Variants in PDP1 observed in about 807,000 individuals in gnomAD.
PDP1 encodes pyruvate dehydrogenase phosphatase catalytic subunit 1.
PDP1 carries 14 observed loss-of-function variants against 37.1 expected under a neutral mutation model. The observed-to-expected ratio is 0.38, with a 90% confidence interval of 0.25 to 0.59. PDP1 has a LOEUF of 0.59. Among genes scored for constraint, PDP1 ranks in the 20% least tolerant of loss-of-function variants. The probability of loss-of-function intolerance (pLI) is 0.67; values close to 1 mark genes in which losing one functional copy is unlikely to be tolerated. For missense variants in PDP1, 544 were observed against 655.3 expected (o/e 0.83, Z 1.85); for synonymous variants, 251 against 243.3 (o/e 1.03, Z -0.29).
At chr8:93,921,393 TTTTA>T (rs1478441251) in intron 1 of PDP1, 1 of 918,470 alleles carries the variant, frequency 1.1e-6, no homozygotes, top group Non-Finnish European at 1.3e-6. Context: ...GAATTTCTTT[TTTTA>T]TTTAATTATG....
chr8:93,922,656 C>T lies in PDP1; in HGVS notation c.597C>T (p.Tyr199=), dbSNP rs1810316964. 1.9e-6 allele frequency: 3 copies of T among 1,614,056 alleles called. No individual in the cohort carries two copies. Among genetic ancestry groups the T allele is most frequent in the African/African-American group, 1.3e-5 (1 of 74,924 alleles). The change falls in exon 2 of 2, where the codon TAC becomes TAT. Residue 199 remains tyrosine, a synonymous_variant. Coordinates refer to ENST00000297598, the MANE Select transcript of PDP1 (RefSeq NM_018444.4). The surrounding 1 kb of genome is among the most constrained non-coding windows in gnomAD (Gnocchi z 4.0). ...ILQWHKHPND[Y]FSKEASKLYF... ...AGTGGCACAAGCACCCCAATGATTA[C>T]TTTAGTAAGGAGGCATCCAAATTGT...
intron 1 of PDP1, chr8:93,917,671 GTTGGT>G: frequency 1.3e-6 from 1 of 779,444 alleles, no homozygotes; most frequent in Non-Finnish European, 2.0e-6. Flanking sequence ...GGCGGGGTGG[GTTGGT>G]TTGGTTGGCT....
chr8:93,923,710 A>T lies in PDP1; in HGVS notation c.*37A>T, dbSNP rs752331175. ...TTCACTGGCAATTCTCAAATGATAT[A>T]CATTTAAAGGGCAGATTTTTTAAAA... On this transcript the variant is annotated 3_prime_UTR_variant, in exon 2 of 2. Transcript: ENST00000297598. This position sits in a 1 kb window ranked among gnomAD's most constrained non-coding sequence, Gnocchi z 4.3. The T allele has an allele frequency of 1.3e-6, 2 of 1,490,352 alleles. No individual in the cohort carries two copies. Among genetic ancestry groups the T allele is most frequent in the Non-Finnish European group, 1.9e-6 (2 of 1,068,190 alleles). The allele number at this position is 1,490,352 out of a possible 1,614,324, so 92.3% of individuals were successfully genotyped here.
Position 93,917,901 on chromosome 8 carries a change from G to A in PDP1, c.-45+822G>A, listed in dbSNP as rs549603937. On this transcript the variant is annotated intron_variant, in intron 1 of 1. Transcript: ENST00000297598. ...TTGTGGATGTTGTCGGCTCCGTGTTGTGATGACAGGAGAATGTGTGTGTGT... is the reference window on the plus strand; with the variant it reads ...TTGTGGATGTTGTCGGCTCCGTGTTATGATGACAGGAGAATGTGTGTGTGT... 9.2e-5 allele frequency: 148 copies of A among 1,614,016 alleles called. 2 individuals carry two copies. In the South Asian group the frequency reaches 1.5e-3, roughly 17 times the overall value.
chr8:93,925,954 T>A lies in PDP1; in HGVS notation c.*2281T>A, dbSNP rs1370759886. On this transcript the variant is annotated 3_prime_UTR_variant, in exon 2 of 2. Coordinates refer to ENST00000297598, the MANE Select transcript of PDP1 (RefSeq NM_018444.4). ...GTTGGTATGGTACAGAGTACCATAT[T>A]GCTAAGAAAACTGTCTTATAAAAGA... The A allele has an allele frequency of 6.0e-6, 1 of 166,948 alleles. No homozygotes were observed. The allele number at this position is 166,948 out of a possible 1,614,324, so 10.3% of individuals were successfully genotyped here. A position where few individuals can be genotyped will look rare whatever the true frequency, so the allele number is the denominator to read the frequency against.
chr8:93,925,643 A>G lies in PDP1; in HGVS notation c.*1970A>G, dbSNP rs1019275552. ...TGCAGTCTGGAAGCTTGTCTGCTCT[A>G]TAGAAATGAAAATGCAGCATGAAGT... On this transcript the variant is annotated 3_prime_UTR_variant, in exon 2 of 2. Transcript: ENST00000297598. The G allele has an allele frequency of 4.8e-5, 8 of 167,172 alleles. No homozygotes were observed. The highest frequency in any genetic ancestry group is 1.2e-4 in the African/African-American group (5 of 41,582). 10.4% of individuals were successfully genotyped at this position (167,172 alleles called of 1,614,324 possible). A position where few individuals can be genotyped will look rare whatever the true frequency, so the allele number is the denominator to read the frequency against.
intron 1 of PDP1, chr8:93,919,133 G>A (rs1810178951): frequency 1.0e-6 from 1 of 982,110 alleles, no homozygotes; most frequent in Admixed American, 6.1e-5. Flanking sequence ...TGGAGAATTT[G>A]ATGTTTGAAC....
In PDP1 at chr8:93,924,717, G is replaced by C. The variant is rs1206702880; in HGVS notation, c.*1044G>C. 6.0e-6 allele frequency: 1 copy of C among 167,036 alleles called. No individual in the cohort carries two copies. Among genetic ancestry groups the C allele is most frequent in the East Asian group, 1.9e-4 (1 of 5,208 alleles). The allele number at this position is 167,036 out of a possible 1,614,324, so 10.3% of individuals were successfully genotyped here. ...GGAAGTTTCTGTTTTTCTCCATTTA[G>C]ACATAGGTCAATTAAAATATTTGGG... On this transcript the variant is annotated 3_prime_UTR_variant, in exon 2 of 2. Transcript: ENST00000297598.
Position 93,923,514 on chromosome 8 carries a change from C to T in PDP1, c.1455C>T (p.His485=), listed in dbSNP as rs374262682. The part of the protein sequence containing the change: ...DQNAATHLIR[H]AVGNNEFGTV... ...ACGCAGCAACCCATCTCATTCGCCA[C>T]GCTGTGGGCAACAACGAGTTTGGGA... is the stretch of plus-strand genomic sequence containing the variant. The change falls in exon 2 of 2, where the codon CAC becomes CAT. Residue 485 remains histidine, a synonymous_variant. Transcript: ENST00000297598. The surrounding 1 kb of genome is among the most constrained non-coding windows in gnomAD (Gnocchi z 4.3). 102 of 1,607,222 alleles carry T rather than the reference C, an allele frequency of 6.3e-5. No homozygotes were observed. Among genetic ancestry groups the T allele is most frequent in the Admixed American group, 2.8e-4 (17 of 59,918 alleles).
In PDP1 at chr8:93,923,806, A is replaced by G; in HGVS notation, c.*133A>G. 1 of 807,100 alleles carries G rather than the reference A, an allele frequency of 1.2e-6. No homozygotes were observed. 50.0% of individuals were successfully genotyped at this position (807,100 alleles called of 1,614,324 possible). On this transcript the variant is annotated 3_prime_UTR_variant, in exon 2 of 2. Transcript: ENST00000297598. This position sits in a 1 kb window ranked among gnomAD's most constrained non-coding sequence, Gnocchi z 4.3. ...TACCCTTTTGATACTCTAGCTAGTC[A>G]GGTACTCCAAATTGACTTTGCAGCA...
In PDP1 at chr8:93,925,141, CTT is replaced by C. The variant is rs898663814; in HGVS notation, c.*1471_*1472del. On this transcript the variant is annotated 3_prime_UTR_variant, in exon 2 of 2. Transcript: ENST00000297598. ...TGTAATAACTTGGGTGTTTAGGAGT[CTT>C]TTCACATTTTTTGGGGATATGAACT... 1.8e-5 allele frequency: 3 copies of C among 166,956 alleles called. No individual in the cohort carries two copies. Among genetic ancestry groups the C allele is most frequent in the African/African-American group, 7.2e-5 (3 of 41,416 alleles). 10.3% of individuals were successfully genotyped at this position (166,956 alleles called of 1,614,324 possible).
chr8:93,920,656 T>G (rs1286648065), intron 1 of PDP1: 5 of 945,866 alleles, frequency 5.3e-6, no homozygotes, highest in Non-Finnish European at 6.3e-6. Flanking sequence ...ATTATATTGC[T>G]GTACCTTTTC....
Position 93,922,985 on chromosome 8 carries a change from C to T in PDP1, c.926C>T (p.Thr309Met), listed in dbSNP as rs750660703. Residue 309 changes from threonine to methionine, a missense_variant, in exon 2 of 2, where the codon ACG (threonine) becomes ATG (methionine). Thr to Met is a moderately conservative substitution (Grantham distance 81). This residue lies in a region of PDP1 where 342 missense variants were observed against 414.0 expected (regional missense o/e 0.83). Coordinates refer to ENST00000297598, the MANE Select transcript of PDP1 (RefSeq NM_018444.4). This position sits in a 1 kb window ranked among gnomAD's most constrained non-coding sequence, Gnocchi z 4.0. ...GAGGACGGCTCATGGTCAGCAGTCA[C>T]GCTGTCTAATGACCACAATGCTCAA... The part of the protein sequence containing the change: ...QEEDGSWSAV[T>M]LSNDHNAQNE... The T allele has an allele frequency of 1.2e-5, 19 of 1,614,098 alleles. No individual in the cohort carries two copies. Among genetic ancestry groups the T allele is most frequent in the Admixed American group, 3.3e-5 (2 of 60,020 alleles).
chr8:93,922,793 A>G lies in PDP1; in HGVS notation c.734A>G (p.Asn245Ser), dbSNP rs928023340. The change falls in exon 2 of 2, where the codon AAT becomes AGT. Residue 245 changes from asparagine to serine, a missense_variant. By Grantham distance (46) the Asn-to-Ser change is conservative. Coordinates refer to ENST00000297598, the MANE Select transcript of PDP1 (RefSeq NM_018444.4). The surrounding 1 kb of genome is among the most constrained non-coding windows in gnomAD (Gnocchi z 4.0). The part of the protein sequence containing the change: ...ALINAFKRLD[N>S]DISLEAQVGD... ...ATTAATGCCTTCAAGAGGCTTGATA[A>G]TGACATCTCCTTGGAGGCGCAAGTT... The G allele has an allele frequency of 4.3e-6, 7 of 1,614,202 alleles. No individual in the cohort carries two copies. The South Asian group carries it at 7.7e-5, about 18-fold the overall frequency.
At chr8:93,919,567 T>C (rs1370721270) in intron 1 of PDP1, among the ~76,000 whole-genome samples, 1 of 144,610 alleles carries the variant, frequency 6.9e-6, no homozygotes, top group East Asian at 2.1e-4. Flanking sequence ...GACTTGTTAT[T>C]CCTTAATTAA....
chr8:93,920,723 CTTTTT>C (rs201971679), intron 1 of PDP1: 24 of 780,550 alleles, frequency 3.1e-5, no homozygotes, highest in Non-Finnish European at 3.4e-5. Context: ...AAGTAAATAC[CTTTTT>C]TTTTTTTTTT....
At position 93,923,719 on chromosome 8, in the gene PDP1, G is replaced by A. The variant is rs750976092; in HGVS notation, c.*46G>A. ...AATTCTCAAATGATATACATTTAAA[G>A]GGCAGATTTTTTAAAAAGATACTAC... On this transcript the variant is annotated 3_prime_UTR_variant, in exon 2 of 2. Coordinates refer to ENST00000297598, the MANE Select transcript of PDP1 (RefSeq NM_018444.4). This position sits in a 1 kb window ranked among gnomAD's most constrained non-coding sequence, Gnocchi z 4.3. The A allele has an allele frequency of 9.6e-6, 14 of 1,464,188 alleles. No homozygotes were observed. The Middle Eastern group carries it at 7.9e-4, about 82-fold the overall frequency. 90.7% of individuals were successfully genotyped at this position (1,464,188 alleles called of 1,614,324 possible).
rs937129706 is a variant in PDP1, at chr8:93,923,731, T to A, written c.*58T>A. 15 of 1,325,524 alleles carry A rather than the reference T, an allele frequency of 1.1e-5. No individual in the cohort carries two copies. In the Admixed American group the frequency reaches 1.3e-4, roughly 12 times the overall value. The allele number at this position is 1,325,524 out of a possible 1,614,324, so 82.1% of individuals were successfully genotyped here. ...ATATACATTTAAAGGGCAGATTTTT[T>A]AAAAAGATACTACTATAATAAACAT... is the stretch of plus-strand genomic sequence containing the variant. On this transcript the variant is annotated 3_prime_UTR_variant, in exon 2 of 2. Coordinates refer to ENST00000297598, the MANE Select transcript of PDP1 (RefSeq NM_018444.4). This position sits in a 1 kb window ranked among gnomAD's most constrained non-coding sequence, Gnocchi z 4.3.
chr8:93,919,298 C>T (rs1363226575), intron 1 of PDP1, among the ~76,000 whole-genome samples: 4 of 152,146 alleles, frequency 2.6e-5, no homozygotes, highest in African/African-American at 9.7e-5. Flanking sequence ...GAGGCTGAGG[C>T]GGGTGGATGG....
Sources: allele counts gnomAD v4.1 joint callset (sites outside exome capture counted in the v4.1 genomes callset), GRCh38; gene constraint gnomAD v4.1.1; regional missense constraint gnomAD v4.1.1; non-coding constraint Gnocchi (gnomAD v3.1); transcripts MANE v1.5; gene names NCBI Gene and HGNC (gene_info 2026-07-23, HGNC 2026-07-21).